The following HFM1 variants were observed in gnomAD, a reference collection of about 807,000 sequenced individuals.
The protein encoded by HFM1 is helicase for meiosis 1.
A neutral mutation model predicts 192.1 loss-of-function variants in HFM1; 169 were observed. That is an observed-to-expected ratio of 0.88 (90% CI 0.78 to 1.00). The LOEUF is 1.00. HFM1 is among the 50% of genes least tolerant of loss of function. HFM1 has a pLI of 0.00. For synonymous variants in HFM1, 525 were observed against 537.8 expected (o/e 0.98, Z 0.33); for missense variants, 1,661 against 1,668.0 (o/e 1.00, Z 0.07).
rs752194075 is a variant in HFM1 at position 91,394,444 on chromosome 1, A to G, written c.185-42T>C. 7 of 1,157,362 alleles carry G rather than the reference A, an allele frequency of 6.0e-6. No homozygotes were observed. In the South Asian group the frequency reaches 1.1e-4, roughly 18 times the overall value. The allele number at this position is 1,157,362 out of a possible 1,614,324, so 71.7% of individuals were successfully genotyped here. ...TCTTAATTATTACATGTTCTCCATT[A>G]AAGGAAATTTTCAAAATGATGATGA... On this transcript the variant is annotated intron_variant, in intron 3 of 38. Transcript: ENST00000370425.
intron 30 of HFM1, among the ~76,000 whole-genome samples, chr1:91,280,912 C>T (rs1383661825): frequency 6.6e-6 from 1 of 152,164 alleles, no homozygotes; most frequent in Admixed American, 6.5e-5. Context: ...GAGGCAAGAC[C>T]ACATAGCAGC....
At chr1:91,293,422 T>A (rs969215289) in intron 30 of HFM1, among the ~76,000 whole-genome samples, 36 of 152,220 alleles carry the variant, frequency 2.4e-4, no homozygotes, top group African/African-American at 8.4e-4. Context: ...AGAAGACATT[T>A]ATGCAGCCAA....
chr1:91,381,090 G>T, intron 6 of HFM1, 108 bp from the exon 7 acceptor site: 3 of 620,448 alleles, frequency 4.8e-6, no homozygotes, highest in East Asian at 3.0e-5. Flanking sequence ...TTAATGATGA[G>T]GTTTTAACAT....
At chr1:91,333,488 G>T (rs1654117931) in intron 20 of HFM1, among the ~76,000 whole-genome samples, 1 of 151,316 alleles carries the variant, frequency 6.6e-6, no homozygotes, top group African/African-American at 2.4e-5. Context: ...GAGTTTGGTG[G>T]GGATGGTTAA....
chr1:91,355,547 C>CA (rs1486210666), intron 13 of HFM1, among the ~76,000 whole-genome samples: 1 of 151,830 alleles, frequency 6.6e-6, no homozygotes, highest in African/African-American at 2.4e-5. Flanking sequence ...AAATAGTAAC[C>CA]AAAAGAGAGC....
Position 91,369,457 on chromosome 1 carries a change from G to A in HFM1, c.1685+5901C>T, listed in dbSNP as rs554832914. 4.6e-5 allele frequency among the ~76,000 whole-genome samples: 7 copies of A among 152,242 alleles called. No homozygotes were observed. In the South Asian group the frequency reaches 1.0e-3, roughly 23 times the overall value. On this transcript the variant is annotated intron_variant, in intron 13 of 38. Transcript: ENST00000370425. ...AGGATTAAGAAACTCACTCAAAACC[G>A]CTCAACTACATGGAAACTGAACAAC...
At chr1:91,279,790 C>T (rs1248728013) in intron 30 of HFM1, among the ~76,000 whole-genome samples, 2 of 152,146 alleles carry the variant, frequency 1.3e-5, no homozygotes, top group Non-Finnish European at 2.9e-5. Context: ...ATCACCTGAT[C>T]TGATTTCCCT....
At chr1:91,310,483 A>C (rs553695089) in intron 30 of HFM1, among the ~76,000 whole-genome samples, 1 of 152,348 alleles carries the variant, frequency 6.6e-6, no homozygotes, top group African/African-American at 2.4e-5. Context: ...ATTCTTGTAC[A>C]TCACTTGATC....
intron 30 of HFM1, among the ~76,000 whole-genome samples, chr1:91,296,280 T>C (rs746677816): frequency 3.9e-4 from 60 of 152,170 alleles, no homozygotes; most frequent in South Asian, 2.1e-4. Flanking sequence ...TGAAAGACTG[T>C]CCGTTTTCCA....
intron 4 of HFM1, among the ~76,000 whole-genome samples, chr1:91,387,708 T>C (rs71668072): frequency 0.2 from 27,926 of 140,618 alleles, 3,471 homozygotes; most frequent in South Asian, 0.35. Context: ...TAGGTGGGAA[T>C]TGAACAATGA....
chr1:91,335,019 G>C (rs1654385891), intron 20 of HFM1, among the ~76,000 whole-genome samples: 1 of 152,066 alleles, frequency 6.6e-6, no homozygotes, highest in African/African-American at 2.4e-5. Context: ...GAAAACAGCT[G>C]GGAAGAAGAA....
At chr1:91,348,051 G>A (rs920214378) in intron 18 of HFM1, among the ~76,000 whole-genome samples, 6 of 152,128 alleles carry the variant, frequency 3.9e-5, no homozygotes, top group African/African-American at 1.4e-4. Context: ...GGCAAATACT[G>A]ACAGAAAAGG....
intron 4 of HFM1, among the ~76,000 whole-genome samples, chr1:91,387,222 A>G (rs539235073): frequency 6.6e-6 from 1 of 152,266 alleles, no homozygotes; most frequent in Admixed American, 6.5e-5. Context: ...ATGAAATAGA[A>G]CCTCCAGCTC....
chr1:91,291,796 A>C (rs1170127283), intron 30 of HFM1, among the ~76,000 whole-genome samples: 2 of 152,060 alleles, frequency 1.3e-5, no homozygotes, highest in African/African-American at 4.8e-5. Flanking sequence ...TGATGCAAAA[A>C]TCCTCAATAA....
intron 25 of HFM1, among the ~76,000 whole-genome samples, chr1:91,318,584 C>T (rs1433112281): frequency 6.6e-6 from 1 of 151,994 alleles, no homozygotes; most frequent in Non-Finnish European, 1.5e-5. Context: ...TAATCAGGCA[C>T]AATCTTTTGT....
intron 20 of HFM1, among the ~76,000 whole-genome samples, chr1:91,336,783 T>A (rs1654635163): frequency 6.6e-6 from 1 of 152,198 alleles, no homozygotes; most frequent in African/African-American, 2.4e-5. Flanking sequence ...CATGCACACG[T>A]ATGTTCACTG....
Position 91,313,448 on chromosome 1 carries a change from T to G in HFM1, c.3292A>C (p.Lys1098Gln), listed in dbSNP as rs776890094. ...ATAGTGATTTGATTTCCAAACCTCT[T>G]GGGTTCTAAGTAAAAGACTGTAAGT... ...QKLTVFYLEP[K>Q]RFGNQITMQR... is the part of the protein sequence containing the mutation. The change falls in exon 30 of 39, where the codon AAG (lysine) becomes CAG (glutamine). Residue 1098 changes from lysine to glutamine, a missense_variant. Transcript: ENST00000370425. 107 of 1,602,090 alleles carry G rather than the reference T, an allele frequency of 6.7e-5. No homozygotes were observed. Among genetic ancestry groups the G allele is most frequent in the Non-Finnish European group, 7.7e-5 (90 of 1,172,798 alleles).
intron 33 of HFM1, 66 bp from the exon 34 acceptor site, chr1:91,273,881 A>G (rs901714176): frequency 3.5e-6 from 3 of 845,748 alleles, no homozygotes; most frequent in Non-Finnish European, 5.6e-6. Flanking sequence ...CCTGAAAACT[A>G]TTTATTCATA....
chr1:91,391,706 C>T (rs1403846926), intron 4 of HFM1, among the ~76,000 whole-genome samples: 1 of 152,146 alleles, frequency 6.6e-6, no homozygotes, highest in Non-Finnish European at 1.5e-5. Context: ...GACTTCATGA[C>T]TAAAACACCA....
Sources: allele counts gnomAD v4.1 joint callset (sites outside exome capture counted in the v4.1 genomes callset), GRCh38; gene constraint gnomAD v4.1.1; transcripts MANE v1.5; gene names NCBI Gene and HGNC (gene_info 2026-07-23, HGNC 2026-07-21).